The following EEF1D variants were observed in gnomAD, a reference collection of about 807,000 sequenced individuals.
The protein encoded by EEF1D is elongation factor 1-delta.
In EEF1D, 47 loss-of-function variants were observed where a neutral mutation model predicts 63.9. That is an observed-to-expected ratio of 0.74 (90% CI 0.58 to 0.94). The LOEUF is 0.94. EEF1D is among the 40% of genes least tolerant of loss of function. EEF1D has a pLI of 0.00. For synonymous variants in EEF1D, 412 were observed against 386.1 expected (o/e 1.07, Z -0.79); for missense variants, 907 against 899.0 (o/e 1.01, Z -0.11).
Position 143,589,524 on chromosome 8 carries a change from C to T in EEF1D, c.558G>A (p.Leu186=). The T allele has an allele frequency of 6.6e-7, 1 of 1,512,808 alleles. No homozygotes were observed. The highest frequency in any genetic ancestry group is 8.9e-7 in the Non-Finnish European group (1 of 1,129,932). The allele number at this position is 1,512,808 out of a possible 1,614,324, so 93.7% of individuals were successfully genotyped here. A position where few individuals can be genotyped will look rare whatever the true frequency, so the allele number is the denominator to read the frequency against. ...CCTGCCTGCGGCTGCCGTCGGGGGC[C>T]AGCAACAGGGCCTGAGACCACTCCA... ...AFVEWSQALL[L]APDGSRRQGT... The change falls in exon 3 of 10, where the codon CTG becomes CTA. Residue 186 remains leucine, a synonymous_variant. Coordinates refer to ENST00000618139, the MANE Select transcript of EEF1D (RefSeq NM_001130053.5).
Position 143,580,212 on chromosome 8 carries a change from G to A in EEF1D, c.1711-6C>T, listed in dbSNP as rs762372836. ...ATGTCCGTCTCATCATCCCACTGTGGGGAAAGGGGAGGAAAAGCTGGGGTC... is the reference window on the plus strand; with the variant it reads ...ATGTCCGTCTCATCATCCCACTGTGAGGAAAGGGGAGGAAAAGCTGGGGTC... On this transcript the variant is annotated splice_region_variant and splice_polypyrimidine_tract_variant and intron_variant, in intron 8 of 9. Transcript: ENST00000618139. 2 of 1,610,944 alleles carry A rather than the reference G, an allele frequency of 1.2e-6. No individual in the cohort carries two copies. Among genetic ancestry groups the A allele is most frequent in the Non-Finnish European group, 1.7e-6 (2 of 1,178,112 alleles).
intron 7 of EEF1D, 127 bp from the exon 8 acceptor site, chr8:143,580,854 T>TACAC: frequency 8.2e-7 from 1 of 1,224,902 alleles, no homozygotes; most frequent in Non-Finnish European, 1.2e-6. Flanking sequence ...GTACCGCAGC[T>TACAC]GTGTACATGC....
At position 143,589,241 on chromosome 8, in the gene EEF1D, G is replaced by T. The variant is rs552609579; in HGVS notation, c.841C>A (p.Arg281Ser). The change falls in exon 3 of 10, where the codon CGC (arginine) becomes AGC (serine). Residue 281 changes from arginine to serine, a missense_variant. Transcript: ENST00000618139. ...ARRGRRDRRG[R>S]NILGNKRAGL... ...GCCCGCTTGTTCCCTAAGATGTTGC[G>T]GCCCCGCCGGTCTCTGCGGCCCCGC... 6.4e-7 allele frequency: 1 copy of T among 1,557,926 alleles called. No individual in the cohort carries two copies. The highest frequency in any genetic ancestry group is 1.9e-5 in the Admixed American group (1 of 53,138).
chr8:143,588,493 G>A (rs750466514), intron 3 of EEF1D, among the ~76,000 whole-genome samples: 3 of 152,226 alleles, frequency 2.0e-5, no homozygotes, highest in East Asian at 1.9e-4. Context: ...CATCTGAGAC[G>A]CCACCACCTT....
chr8:143,587,255 A>C (rs553771547), intron 3 of EEF1D: 14 of 145,986 alleles, frequency 9.6e-5, no homozygotes, highest in African/African-American at 3.7e-4. Context: ...TATTTCTCAT[A>C]AAAAAAAAAG....
At chr8:143,580,944 T>A in intron 7 of EEF1D, 110 bp downstream of exon 7, 1 of 1,313,668 alleles carries the variant, frequency 7.6e-7, no homozygotes, top group Non-Finnish European at 1.1e-6. Flanking sequence ...AGGACTCCAG[T>A]ATCCTGGCTG....
At position 143,589,654 on chromosome 8, in the gene EEF1D, G is replaced by T; in HGVS notation, c.428C>A (p.Ala143Asp). The change falls in exon 3 of 10, where the codon GCC becomes GAC. Residue 143 changes from alanine to aspartate, a missense_variant. Transcript: ENST00000618139. ...TCCATGGGTGCAGAGACCCCAAGGGGCCAAGGCAGGAGGCCAGGCTGCCTG... is the reference window on the plus strand; with the variant it reads ...TCCATGGGTGCAGAGACCCCAAGGGTCCAAGGCAGGAGGCCAGGCTGCCTG... ...AAQAAWPPAL[A>D]PWGLCTHGNQ... 1 of 1,541,974 alleles carries T rather than the reference G, an allele frequency of 6.5e-7. No homozygotes were observed. The highest frequency in any genetic ancestry group is 8.7e-7 in the Non-Finnish European group (1 of 1,143,300).
At position 143,586,305 on chromosome 8, in the gene EEF1D, G is replaced by A. The variant is rs1403002171; in HGVS notation, c.1216-15C>T. On this transcript the variant is annotated splice_polypyrimidine_tract_variant and intron_variant, in intron 4 of 9. Coordinates refer to ENST00000618139, the MANE Select transcript of EEF1D (RefSeq NM_001130053.5). ...GCGCCGTTCTCCTGCAGACAGTGCA[G>A]AAAGAACCAGTCTTTTTTTTATTAT... The A allele has an allele frequency of 1.3e-6, 2 of 1,540,158 alleles. No homozygotes were observed. Among genetic ancestry groups the A allele is most frequent in the East Asian group, 2.4e-5 (1 of 42,470 alleles).
chr8:143,590,479 C>T (rs1397474587), intron 2 of EEF1D: 1 of 1,091,120 alleles, frequency 9.2e-7, no homozygotes, highest in Non-Finnish European at 1.2e-6. Context: ...ACTAGCTTTC[C>T]CTGCATTTTT....
At chr8:143,582,973 G>A (rs1825849328) in intron 5 of EEF1D, 1 of 152,268 alleles carries the variant, frequency 6.6e-6, no homozygotes, top group South Asian at 2.1e-4. Context: ...CCAAATCCAA[G>A]ATGAGACTGG....
chr8:143,589,438 G>C lies in EEF1D; in HGVS notation c.644C>G (p.Pro215Arg). 3 of 1,528,288 alleles carry C rather than the reference G, an allele frequency of 2.0e-6. No individual in the cohort carries two copies. The highest frequency in any genetic ancestry group is 2.6e-6 in the Non-Finnish European group (3 of 1,132,498). 94.7% of individuals were successfully genotyped at this position (1,528,288 alleles called of 1,614,324 possible). Residue 215 changes from proline to arginine, a missense_variant, in exon 3 of 10, where the codon CCG (proline) becomes CGG (arginine). By Grantham distance (103) the Pro-to-Arg change is moderately radical. Transcript: ENST00000618139. ...VPDLAHQPSPPVNGQPPLGSL... is the reference protein window; with the variant it reads ...VPDLAHQPSPRVNGQPPLGSL... ...GCCCAGCGGGGGCTGGCCATTGACC[G>C]GTGGGCTGGGCTGGTGGGCCAGGTC...
chr8:143,588,217 G>A (rs1827091010), intron 3 of EEF1D, among the ~76,000 whole-genome samples: 1 of 152,130 alleles, frequency 6.6e-6, no homozygotes, highest in African/African-American at 2.4e-5. Context: ...CTTCCTTGGG[G>A]GCCTCAGCAG....
At chr8:143,586,688 G>C (rs755706366) in intron 4 of EEF1D, 41 bp downstream of exon 4, 1 of 1,603,326 alleles carries the variant, frequency 6.2e-7, no homozygotes, top group Non-Finnish European at 8.5e-7. Context: ...CACTCCTGTC[G>C]GGCAGCAGAG....
chr8:143,581,327 C>A lies in EEF1D; in HGVS notation c.1289G>T (p.Ser430Ile). 1 of 1,610,170 alleles carries A rather than the reference C, an allele frequency of 6.2e-7. No homozygotes were observed. The highest frequency in any genetic ancestry group is 8.5e-7 in the Non-Finnish European group (1 of 1,179,494). ...RENIQKSLAG[S>I]SGPGASSGTS... ...GCCGCTGGAGGCCCCGGGGCCTGAGCTCTGCAAGGCAGGAGGAGGGGAGGG... is the reference window on the plus strand; with the variant it reads ...GCCGCTGGAGGCCCCGGGGCCTGAGATCTGCAAGGCAGGAGGAGGGGAGGG... The change falls in exon 6 of 10, where the codon AGC becomes ATC. Residue 430 changes from serine (S) to isoleucine (I), a missense_variant and splice_region_variant. Physicochemically the swap from Ser to Ile is moderately radical, Grantham distance 142 (BLOSUM62 -2). Transcript: ENST00000618139.
chr8:143,589,982 G>C lies in EEF1D; in HGVS notation c.100C>G (p.Gln34Glu), dbSNP rs1827634019. Residue 34 changes from glutamine to glutamate, a missense_variant, in exon 3 of 10, where the codon CAG becomes GAG. Gln to Glu is a conservative substitution (Grantham distance 29). Transcript: ENST00000618139. ...AGCTGCTGGGCGGAGGCGGCCGCCT[G>C]TGTGGCCTCGTGTTCGTAGAAGCGC... is the stretch of plus-strand genomic sequence containing the variant. ...ERRFYEHEATQAAASAQQLPA... is the reference protein window; with the variant it reads ...ERRFYEHEATEAAASAQQLPA... 9.4e-6 allele frequency: 15 copies of C among 1,599,230 alleles called. No individual in the cohort carries two copies. The highest frequency in any genetic ancestry group is 1.3e-5 in the Non-Finnish European group (15 of 1,179,666).
intron 2 of EEF1D, chr8:143,590,950 G>C (rs1308420198): frequency 2.0e-5 from 3 of 152,418 alleles, no homozygotes; most frequent in Non-Finnish European, 4.4e-5. Context: ...TCCTCCCCAG[G>C]AGGGGGCCAG....
rs917352834 is a variant in EEF1D, at chr8:143,590,511, C to T, written c.1-430G>A. 4.1e-5 allele frequency: 49 copies of T among 1,189,450 alleles called. No homozygotes were observed. In the African/African-American group the frequency reaches 7.1e-4, roughly 17 times the overall value. 73.7% of individuals were successfully genotyped at this position (1,189,450 alleles called of 1,614,324 possible). ...TTTTCCACAGGCCAGGCCTGGCCAC[C>T]CCACCATGGTGGCTGGTGTTCCCAT... On this transcript the variant is annotated intron_variant, in intron 2 of 9. Transcript: ENST00000618139.
chr8:143,593,379 C>T (rs1828290781), intron 1 of EEF1D, among the ~76,000 whole-genome samples: 1 of 152,242 alleles, frequency 6.6e-6, no homozygotes, highest in Non-Finnish European at 1.5e-5. Flanking sequence ...ATAAACCCTG[C>T]AAGCTCTGCG....
chr8:143,581,132 G>A lies in EEF1D; in HGVS notation c.1410C>T (p.Ala470=), dbSNP rs779505569. Residue 470 remains alanine, a synonymous_variant, in exon 7 of 10, where the codon GCC becomes GCT. Transcript: ENST00000618139. ...TCAGCCGGGCCTCCAGCTTGGAGATGGCCTGCTGCAGCTCCTGTACCACTG... is the reference window on the plus strand; with the variant it reads ...TCAGCCGGGCCTCCAGCTTGGAGATAGCCTGCTGCAGCTCCTGTACCACTG... ...LRGVVQELQQ[A]ISKLEARLNV... The A allele has an allele frequency of 7.4e-6, 12 of 1,612,908 alleles. No individual in the cohort carries two copies. Among genetic ancestry groups the A allele is most frequent in the African/African-American group, 2.7e-5 (2 of 74,956 alleles).
Sources: allele counts gnomAD v4.1 joint callset (sites outside exome capture counted in the v4.1 genomes callset), GRCh38; gene constraint gnomAD v4.1.1; transcripts MANE v1.5; gene names NCBI Gene and HGNC (gene_info 2026-07-23, HGNC 2026-07-21).